ANTXRL: variants seen among roughly 807,000 people sequenced by gnomAD.
ANTXRL encodes the protein anthrax toxin receptor-like.
Under a neutral mutation model 75.4 loss-of-function variants are expected in ANTXRL, and 63 were observed. That is an observed-to-expected ratio of 0.84 (90% CI 0.68 to 1.03). The LOEUF (loss-of-function observed/expected upper bound fraction) is 1.03. ANTXRL is among the 50% of genes least tolerant of loss of function. ANTXRL has a pLI of 0.00. For missense variants in ANTXRL, 797 were observed against 789.4 expected, an observed-to-expected ratio of 1.01 and a Z score of -0.12; for synonymous variants, 335 against 291.3, an observed-to-expected ratio of 1.15 and a Z score of -1.53.
intron 16 of ANTXRL, among the ~76,000 whole-genome samples, chr10:46,313,600 C>G (rs1255759232): frequency 6.6e-6 from 1 of 152,112 alleles, no homozygotes; most frequent in Non-Finnish European, 1.5e-5. Context: ...GGATTCCTTC[C>G]TTGGTTCATT....
chr10:46,311,676 C>A lies in ANTXRL; in HGVS notation c.1329+11C>A. 1 of 929,978 alleles carries A rather than the reference C, an allele frequency of 1.1e-6. No homozygotes were observed. The highest frequency in any genetic ancestry group is 2.0e-5 in the Admixed American group (1 of 49,828). The allele number at this position is 929,978 out of a possible 1,614,324, so 57.6% of individuals were successfully genotyped here. A position where few individuals can be genotyped will look rare whatever the true frequency, so the allele number is the denominator to read the frequency against. The stretch of plus-strand genomic sequence containing the variant: ...ATGAGAAGGATAGAGGTGAGAAGGG[C>A]ACAGTGGAGAGGGGCTGTGACCCCA... On this transcript the variant is annotated intron_variant, in intron 15 of 16. Coordinates refer to ENST00000620264, the MANE Select transcript of ANTXRL (RefSeq NM_001278688.3).
chr10:46,295,747 A>T (rs17769421), intron 3 of ANTXRL, among the ~76,000 whole-genome samples: 43,827 of 117,296 alleles, frequency 0.37, 11,968 homozygotes, highest in Non-Finnish European at 0.47. Context: ...TTGCTCATCC[A>T]TGGGAAACTC....
chr10:46,305,680 C>T (rs1421003321), intron 10 of ANTXRL, among the ~76,000 whole-genome samples: 1 of 151,954 alleles, frequency 6.6e-6, no homozygotes, highest in South Asian at 2.1e-4. Flanking sequence ...AGGGTGTGGG[C>T]TCAGGAGTGA....
At position 46,289,148 on chromosome 10, in the gene ANTXRL, C is replaced by T. The variant is rs140920189; in HGVS notation, c.248+1638C>T. On this transcript the variant is annotated intron_variant, in intron 1 of 16. Coordinates refer to ENST00000620264, the MANE Select transcript of ANTXRL (RefSeq NM_001278688.3). ...TGCAGGCAGGCTCTTTGGTCATTAG[C>T]GTCCAGCTTATTCATGAGACTCATT... 3.5e-3 allele frequency among the ~76,000 whole-genome samples: 530 copies of T among 152,230 alleles called. 3 individuals are homozygous for T. Among genetic ancestry groups the T allele is most frequent in the African/African-American group, 0.012 (484 of 41,526 alleles).
intron 16 of ANTXRL, among the ~76,000 whole-genome samples, chr10:46,323,824 G>A (rs1839090571): frequency 6.6e-6 from 1 of 152,100 alleles, no homozygotes; most frequent in Non-Finnish European, 1.5e-5. Flanking sequence ...TTAAAAGCCT[G>A]GACTGTCTTT....
chr10:46,314,141 G>A (rs1838590524), intron 16 of ANTXRL, among the ~76,000 whole-genome samples: 1 of 152,182 alleles, frequency 6.6e-6, no homozygotes. Flanking sequence ...GTGGCCAGGT[G>A]GCTGTGCATG....
Position 46,296,104 on chromosome 10 carries a change from T to C in ANTXRL, c.474+4T>C. On this transcript the variant is annotated splice_donor_region_variant and intron_variant, in intron 4 of 16. Transcript: ENST00000620264. ...CATGCAGGCAGGATTTAGAAAGGTA[T>C]AGACCCCTTGATCTCCTAACCCTAA... 6.5e-7 allele frequency: 1 copy of C among 1,535,896 alleles called. No individual in the cohort carries two copies. Among genetic ancestry groups the C allele is most frequent in the Non-Finnish European group, 8.7e-7 (1 of 1,146,726 alleles).
rs1444443612 is a variant in ANTXRL at position 46,297,262 on chromosome 10, C to T, written c.519C>T (p.Pro173=). Residue 173 remains proline, a synonymous_variant, in exon 6 of 17, where the codon CCC becomes CCT. Coordinates refer to ENST00000620264, the MANE Select transcript of ANTXRL (RefSeq NM_001278688.3). Reference sequence around the variant, plus strand: ...TTGCTTCTTCTACAGACAAGGTTCCCAGCATGATTATTGCTATGACTGATG... The same window carrying T: ...TTGCTTCTTCTACAGACAAGGTTCCTAGCATGATTATTGCTATGACTGATG... ...IESFNSGNKV[P]SMIIAMTDGE... The T allele has an allele frequency of 1.3e-6, 2 of 1,536,322 alleles. No individual in the cohort carries two copies. The highest frequency in any genetic ancestry group is 2.4e-5 in the East Asian group (1 of 40,910).
At chr10:46,310,276 G>A (rs1838345793) in intron 13 of ANTXRL, among the ~76,000 whole-genome samples, 185 bp from the exon 14 acceptor site, 1 of 152,080 alleles carries the variant, frequency 6.6e-6, no homozygotes, top group Non-Finnish European at 1.5e-5. Flanking sequence ...GGTAAGGTTG[G>A]AGGCTGAGGC....
rs1395740079 is a variant in ANTXRL at position 46,315,276 on chromosome 10, A to AG, written c.1410+1964dup. Among the ~76,000 whole-genome samples, 5 of 152,350 alleles carry AG rather than the reference A, an allele frequency of 3.3e-5. No homozygotes were observed. The East Asian group carries it at 7.7e-4, about 23-fold the overall frequency. The stretch of plus-strand genomic sequence containing the variant: ...GGAATGTGACCTTCCTGCCTGAGCC[A>AG]GGGGTCCCTGAGTGAGAAGCAGCCC... On this transcript the variant is annotated intron_variant, in intron 16 of 16. Coordinates refer to ENST00000620264, the MANE Select transcript of ANTXRL (RefSeq NM_001278688.3).
chr10:46,287,873 T>C (rs1836829578), intron 1 of ANTXRL, among the ~76,000 whole-genome samples: 2 of 152,102 alleles, frequency 1.3e-5, no homozygotes, highest in African/African-American at 2.4e-5. Context: ...GGTTTCTGTG[T>C]TGTTTTGCTT....
chr10:46,311,390 G>C, intron 14 of ANTXRL, 120 bp from the exon 15 acceptor site: 1 of 1,344,584 alleles, frequency 7.4e-7, no homozygotes, highest in East Asian at 2.8e-5. Flanking sequence ...TCACATGAAG[G>C]ACCCTCCACT....
chr10:46,299,503 C>T (rs1554959923), intron 9 of ANTXRL, among the ~76,000 whole-genome samples: 1 of 152,118 alleles, frequency 6.6e-6, no homozygotes, highest in Non-Finnish European at 1.5e-5. Flanking sequence ...ACAACTGCGG[C>T]TGCTGGAGTT....
At chr10:46,294,175 C>T (rs552313476) in intron 3 of ANTXRL, 13 of 493,258 alleles carry the variant, frequency 2.6e-5, no homozygotes, top group Non-Finnish European at 4.0e-5. Context: ...CTGCCTCCTT[C>T]CCTGAAAGGT....
chr10:46,291,900 C>G (rs574918568), intron 1 of ANTXRL, among the ~76,000 whole-genome samples, 158 bp from the exon 2 acceptor site: 9 of 152,104 alleles, frequency 5.9e-5, no homozygotes, highest in African/African-American at 2.2e-4. Context: ...CTCATGACCT[C>G]GGATGATCCA....
At chr10:46,306,259 C>G (rs1838077755) in intron 10 of ANTXRL, among the ~76,000 whole-genome samples, 2 of 152,224 alleles carry the variant, frequency 1.3e-5, no homozygotes, top group Admixed American at 1.3e-4. Flanking sequence ...CACAAAATAA[C>G]AAGAATTGTG....
At chr10:46,318,152 C>T (rs1308093824) in intron 16 of ANTXRL, among the ~76,000 whole-genome samples, 4 of 152,028 alleles carry the variant, frequency 2.6e-5, no homozygotes, top group African/African-American at 7.3e-5. Context: ...TCCGGAGGAT[C>T]CCTCAGCAGT....
intron 9 of ANTXRL, among the ~76,000 whole-genome samples, chr10:46,301,153 G>A (rs1363590780): frequency 3.3e-5 from 5 of 152,252 alleles, no homozygotes; most frequent in South Asian, 2.1e-4. Flanking sequence ...ACCAAGGGGC[G>A]CAGGCCACAG....
intron 1 of ANTXRL, among the ~76,000 whole-genome samples, chr10:46,290,000 C>A (rs183589725): frequency 2.6e-5 from 4 of 151,036 alleles, no homozygotes; most frequent in Admixed American, 6.6e-5. Context: ...CCTTTTATGG[C>A]TGAATAATAT....
Sources: allele counts gnomAD v4.1 joint callset (sites outside exome capture counted in the v4.1 genomes callset), GRCh38; gene constraint gnomAD v4.1.1; transcripts MANE v1.5; gene names NCBI Gene and HGNC (gene_info 2026-07-23, HGNC 2026-07-21).